Variants in PLAGL1 observed in about 807,000 individuals in gnomAD.
The protein encoded by PLAGL1 is zinc finger protein PLAGL1.
Under a neutral mutation model 4.6 loss-of-function variants are expected in PLAGL1, and 1 was observed. The ratio of observed to expected loss-of-function variants is 0.22; its 90% confidence interval spans 0.08 to 1.03. The LOEUF is 1.03. Among genes scored for constraint, PLAGL1 ranks in the 50% least tolerant of loss-of-function variants. The pLI is 0.58. For missense variants in PLAGL1, 464 were observed against 570.4 expected (o/e 0.81, Z 1.90); for synonymous variants, 240 against 237.8 (o/e 1.01, Z -0.08).
intron 1 of PLAGL1, among the ~76,000 whole-genome samples, chr6:144,003,547 C>A (rs1291480260): frequency 6.7e-6 from 1 of 149,596 alleles, no homozygotes; most frequent in Admixed American, 6.7e-5. Flanking sequence ...TGGCATGAAC[C>A]TGGGAGGCGG....
Position 144,053,298 on chromosome 6 carries a change from C to A in PLAGL1, c.-151+11170G>T, listed in dbSNP as rs930951850. ...TACAGGCATGCACCATCATGCCGAG[C>A]TAATTTTTGTATTTTTAGTGGAGAC... is the stretch of plus-strand genomic sequence containing the variant. On this transcript the variant is annotated intron_variant, in intron 1 of 3. Transcript: ENST00000437412. The surrounding 1 kb of genome is among the most constrained non-coding windows in gnomAD (Gnocchi z 4.0). Among the ~76,000 whole-genome samples the A allele has an allele frequency of 1.3e-5, 2 of 152,126 alleles. No homozygotes were observed. Among genetic ancestry groups the A allele is most frequent in the East Asian group, 3.9e-4 (2 of 5,194 alleles).
At chr6:144,041,570 T>C (rs924807422) in intron 1 of PLAGL1, among the ~76,000 whole-genome samples, 3 of 152,222 alleles carry the variant, frequency 2.0e-5, no homozygotes, top group Non-Finnish European at 4.4e-5. Context: ...ATTTTCTTAA[T>C]CCAGTCTATC....
intron 6 of PLAGL1, among the ~76,000 whole-genome samples, chr6:143,951,960 C>G (rs1193416873): frequency 6.6e-6 from 1 of 152,078 alleles, no homozygotes; most frequent in African/African-American, 2.4e-5. Context: ...TTTTAATCAC[C>G]GTAACTATGT....
intron 1 of PLAGL1, among the ~76,000 whole-genome samples, chr6:144,040,639 G>C (rs2128716464): frequency 6.6e-6 from 1 of 152,348 alleles, no homozygotes. Flanking sequence ...CACTTTGGGA[G>C]GCCAAGGCAG....
In PLAGL1 at chr6:143,952,058, C is replaced by T. The variant is rs1311909002; in HGVS notation, c.-324-3598G>A. Among the ~76,000 whole-genome samples the T allele has an allele frequency of 6.6e-6, 1 of 152,194 alleles. No homozygotes were observed. Among genetic ancestry groups the T allele is most frequent in the African/African-American group, 2.4e-5 (1 of 41,450 alleles). ...GTAAAAACAAGACTGTCTACCCCAA[C>T]AGACTATAAACGCTTTGTGGCTGAG... On this transcript the variant is annotated intron_variant, in intron 6 of 7. Transcript: ENST00000674357. This position sits in a 1 kb window ranked among gnomAD's most constrained non-coding sequence, Gnocchi z 6.1.
rs10155727 is a variant in PLAGL1 at position 143,957,963 on chromosome 6, C to T, written c.-325+2506G>A. Among the ~76,000 whole-genome samples the T allele has an allele frequency of 0.026, 3,997 of 152,206 alleles. 189 individuals carry two copies. Among genetic ancestry groups the T allele is most frequent in the African/African-American group, 0.09 (3,720 of 41,516 alleles). Reference sequence around the variant, plus strand: ...CTTAGGCTGAGTCTAGGAGTATACCCGGTTGACAAATGGAGGAGGCATATT... The same window carrying T: ...CTTAGGCTGAGTCTAGGAGTATACCTGGTTGACAAATGGAGGAGGCATATT... On this transcript the variant is annotated intron_variant, in intron 6 of 7. Coordinates refer to ENST00000674357, the MANE Select transcript of PLAGL1 (RefSeq NM_001317162.2). This position sits in a 1 kb window ranked among gnomAD's most constrained non-coding sequence, Gnocchi z 4.2.
At chr6:144,011,735 A>G (rs911977765), upstream of PLAGL1, among the ~76,000 whole-genome samples, 4 of 152,208 alleles carry the variant, frequency 2.6e-5, no homozygotes, top group Non-Finnish European at 4.4e-5. The surrounding 1 kb of genome is among the most constrained non-coding windows in gnomAD (Gnocchi z 4.3). Context: ...GCTCAGACAG[A>G]GTATAAAGCT....
At position 144,041,053 on chromosome 6, in the gene PLAGL1, T is replaced by C. The variant is rs78386033; in HGVS notation, c.-151+23415A>G. Among the ~76,000 whole-genome samples, 1,114 of 152,170 alleles carry C rather than the reference T, an allele frequency of 7.3e-3. 8 individuals are homozygous for C. The highest frequency in any genetic ancestry group is 0.012 in the Non-Finnish European group (844 of 68,000). ...CTTTATTCTTTTCCAGAACAGGAAA[T>C]GTTTTGCAGACATATGAGCTGAGGG... On this transcript the variant is annotated intron_variant, in intron 1 of 3. Coordinates refer to the PLAGL1 transcript ENST00000437412.
chr6:144,036,390 C>T lies in PLAGL1; in HGVS notation c.-151+28078G>A, dbSNP rs1351209315. On this transcript the variant is annotated intron_variant, in intron 1 of 3. Transcript: ENST00000437412. The surrounding 1 kb of genome is among the most constrained non-coding windows in gnomAD (Gnocchi z 5.1). ...TTCAGTCTTAGTGACTGAAGACAGC[C>T]AGCCCACATGCCCAGTACCAAAGGG... Among the ~76,000 whole-genome samples the T allele has an allele frequency of 2.0e-5, 3 of 152,160 alleles. No individual in the cohort carries two copies. The highest frequency in any genetic ancestry group is 4.4e-5 in the Non-Finnish European group (3 of 68,030).
chr6:143,947,828 A>G lies in PLAGL1; in HGVS notation c.152+157T>C, dbSNP rs1780107183. 6.6e-6 allele frequency among the ~76,000 whole-genome samples: 1 copy of G among 152,204 alleles called. No individual in the cohort carries two copies. The highest frequency in any genetic ancestry group is 2.4e-5 in the African/African-American group (1 of 41,446). ...CTGCACAACAAGACGGTCACATAAA[A>G]CCACAGGAATCACTGGATGCAGATT... On this transcript the variant is annotated intron_variant, in intron 7 of 7. Transcript: ENST00000674357. The surrounding 1 kb of genome is among the most constrained non-coding windows in gnomAD (Gnocchi z 4.3).
At chr6:143,944,005 GTCCTATGAAACAGAA>G (rs1281914087) in intron 7 of PLAGL1, among the ~76,000 whole-genome samples, 1 of 152,154 alleles carries the variant, frequency 6.6e-6, no homozygotes, top group Non-Finnish European at 1.5e-5. Context: ...ATGTTAGCAT[GTCCTATGAAACAGAA>G]TCCTTCATTA....
At chr6:144,041,437 G>GT (rs1442559564) in intron 1 of PLAGL1, among the ~76,000 whole-genome samples, 2 of 152,014 alleles carry the variant, frequency 1.3e-5, no homozygotes, top group African/African-American at 2.4e-5. Context: ...GCGGTGTTTG[G>GT]TTTTTTGTCC....
chr6:144,035,383 T>G (rs979849960), intron 1 of PLAGL1, among the ~76,000 whole-genome samples: 2 of 152,170 alleles, frequency 1.3e-5, no homozygotes, highest in African/African-American at 2.4e-5. Flanking sequence ...CTGAAGTACT[T>G]GGAGTCTAAT....
chr6:144,038,701 A>G (rs1163613583), intron 1 of PLAGL1, among the ~76,000 whole-genome samples: 4 of 152,258 alleles, frequency 2.6e-5, no homozygotes, highest in Non-Finnish European at 5.9e-5. Context: ...CTTTGAAAAC[A>G]TTATACTGTG....
chr6:143,996,798 A>G (rs1791719657), intron 1 of PLAGL1, among the ~76,000 whole-genome samples: 1 of 152,106 alleles, frequency 6.6e-6, no homozygotes, highest in South Asian at 2.1e-4. Context: ...GGAAAGAAAA[A>G]TTCCTCAAAA....
At chr6:144,008,577 G>T (rs1047062798), upstream of PLAGL1, among the ~76,000 whole-genome samples, 1 of 152,132 alleles carries the variant, frequency 6.6e-6, no homozygotes, top group African/African-American at 2.4e-5. This position sits in a 1 kb window ranked among gnomAD's most constrained non-coding sequence, Gnocchi z 6.9. Context: ...AGCCAAGGTC[G>T]CCCAGGTACA....
At position 143,964,422 on chromosome 6, in the gene PLAGL1, C is replaced by T. The variant is rs1488566211; in HGVS notation, c.-399+365G>A. On this transcript the variant is annotated intron_variant, in intron 5 of 7. Transcript: ENST00000674357. This position sits in a 1 kb window ranked among gnomAD's most constrained non-coding sequence, Gnocchi z 4.3. ...AATCTTACTGACATGAAATTTTCCT[C>T]TAGGTTGGCAGAATGGGGACTGGAG... Among the ~76,000 whole-genome samples the T allele has an allele frequency of 6.6e-6, 1 of 152,150 alleles. No homozygotes were observed. The highest frequency in any genetic ancestry group is 1.5e-5 in the Non-Finnish European group (1 of 68,020).
At position 144,034,974 on chromosome 6, in the gene PLAGL1, G is replaced by T. The variant is rs1328102497; in HGVS notation, c.-151+29494C>A. 6.6e-6 allele frequency among the ~76,000 whole-genome samples: 1 copy of T among 152,178 alleles called. No homozygotes were observed. The highest frequency in any genetic ancestry group is 2.4e-5 in the African/African-American group (1 of 41,440). On this transcript the variant is annotated intron_variant, in intron 1 of 3. Transcript: ENST00000437412. The surrounding 1 kb of genome is among the most constrained non-coding windows in gnomAD (Gnocchi z 4.7). ...GGAAATAAGGTAAATTGATGGATGGGTATGTAATACATTGAGAACAGTTAA... is the reference window on the plus strand; with the variant it reads ...GGAAATAAGGTAAATTGATGGATGGTTATGTAATACATTGAGAACAGTTAA...
chr6:144,031,527 T>C (rs1280157133), intron 1 of PLAGL1, among the ~76,000 whole-genome samples: 4 of 152,214 alleles, frequency 2.6e-5, no homozygotes. Context: ...GATCTTTGTA[T>C]AAGAAGAGAG....
Sources: gnomAD v4.1 joint callset for allele counts (sites outside exome capture counted in the v4.1 genomes callset) on GRCh38, gnomAD v4.1.1 for gene constraint, Gnocchi (gnomAD v3.1) non-coding constraint, MANE v1.5 for transcripts, NCBI Gene and HGNC (gene_info 2026-07-23, HGNC 2026-07-21) for gene names.